ENAH: variants seen among roughly 807,000 people sequenced by gnomAD.
The protein encoded by ENAH is protein enabled homolog.
Under a neutral mutation model 78.7 loss-of-function variants are expected in ENAH, and 23 were observed. The observed-to-expected ratio is 0.29, with a 90% CI of 0.21 to 0.41. The LOEUF is 0.41. Among genes scored for constraint, ENAH ranks in the 10% least tolerant of loss-of-function variants. ENAH has a pLI of 1.00. For missense variants in ENAH, 544 were observed against 691.0 expected (o/e 0.79, Z 2.39); for synonymous variants, 226 against 241.0 (o/e 0.94, Z 0.58).
intron 1 of ENAH, among the ~76,000 whole-genome samples, chr1:225,629,461 C>A (rs1290284133): frequency 6.6e-6 from 1 of 151,650 alleles, no homozygotes; most frequent in African/African-American, 2.4e-5. Flanking sequence ...GTGGAGTGCA[C>A]CTGTAATCCC....
chr1:225,511,781 T>C (rs753837085), intron 10 of ENAH, 30 bp downstream of exon 10: 1 of 1,534,968 alleles, frequency 6.5e-7, no homozygotes, highest in South Asian at 1.2e-5. Context: ...AGAAAGTTTA[T>C]AAAGGTTAAA....
intron 3 of ENAH, among the ~76,000 whole-genome samples, chr1:225,543,258 A>G (rs2096598241): frequency 6.6e-6 from 1 of 152,220 alleles, no homozygotes; most frequent in South Asian, 2.1e-4. Context: ...CTTTAAATCA[A>G]TGGGAAACCA....
At chr1:225,646,463 CTCACCAAAACCCA>C (rs1402743354) in intron 1 of ENAH, among the ~76,000 whole-genome samples, 3 of 152,078 alleles carry the variant, frequency 2.0e-5, no homozygotes, top group Non-Finnish European at 4.4e-5. Context: ...GAAGAGAACC[CTCACCAAAACCCA>C]TCCATACTGG....
rs115180544 is a variant in ENAH, at chr1:225,574,947, T to C, written c.6-7533A>G. Among the ~76,000 whole-genome samples, 238 of 146,480 alleles carry C rather than the reference T, an allele frequency of 1.6e-3. 59 individuals are homozygous for C. The highest frequency in any genetic ancestry group is 5.4e-3 in the African/African-American group (202 of 37,422). ...ATATATATATAAAAAAAAAAAAAGA[T>C]TGTGCATTCAGATACGAATAATAAA... On this transcript the variant is annotated intron_variant, in intron 1 of 13. Coordinates refer to ENST00000366843, the MANE Select transcript of ENAH (RefSeq NM_018212.6).
chr1:225,513,471 T>G (rs1214187020), intron 7 of ENAH, among the ~76,000 whole-genome samples: 3 of 152,170 alleles, frequency 2.0e-5, no homozygotes, highest in African/African-American at 7.2e-5. Context: ...CAATAAATGA[T>G]CTTGCACTAG....
intron 6 of ENAH, among the ~76,000 whole-genome samples, chr1:225,515,550 T>A (rs1356313999): frequency 2.6e-5 from 4 of 152,138 alleles, no homozygotes; most frequent in Non-Finnish European, 5.9e-5. Context: ...GGATTTGAAG[T>A]AGAGTTGTTT....
At position 225,530,612 on chromosome 1, in the gene ENAH, G is replaced by T. The variant is rs1364011018; in HGVS notation, c.376C>A (p.Gln126Lys). ...CCATTTTGAACTTGAGCAGGTAGTT[G>T]TGAGTTTTGTCTAGGCAATGTTGGC... Reference protein sequence around the residue: ...TGPTLPRQNSQLPAQVQNGPS... With the variant: ...TGPTLPRQNSKLPAQVQNGPS... Residue 126 changes from glutamine (Q) to lysine (K), a missense_variant, in exon 4 of 14, where the codon CAA becomes AAA. This residue lies in a region of ENAH where 77 missense variants were observed against 151.8 expected (regional missense o/e 0.51). Coordinates refer to ENST00000366843, the MANE Select transcript of ENAH (RefSeq NM_018212.6). 3 of 1,613,444 alleles carry T rather than the reference G, an allele frequency of 1.9e-6. No homozygotes were observed. The highest frequency in any genetic ancestry group is 1.3e-5 in the African/African-American group (1 of 74,992).
At chr1:225,628,045 G>T (rs1485147714) in intron 1 of ENAH, among the ~76,000 whole-genome samples, 1 of 152,146 alleles carries the variant, frequency 6.6e-6, no homozygotes, top group Non-Finnish European at 1.5e-5. Flanking sequence ...CAGCTGAAGG[G>T]GCAGAAACTG....
chr1:225,645,879 T>C (rs772334321), intron 1 of ENAH, among the ~76,000 whole-genome samples: 28 of 152,182 alleles, frequency 1.8e-4, no homozygotes, highest in Admixed American at 9.8e-4. Flanking sequence ...CTGTCCTCTT[T>C]ACCCTACACC....
At chr1:225,580,982 A>AG (rs199695962) in intron 1 of ENAH, among the ~76,000 whole-genome samples, 1,661 of 129,480 alleles carry the variant, frequency 0.013, 40 homozygotes, top group African/African-American at 0.043. Context: ...GCACACATAT[A>AG]GGCACACAGG....
At chr1:225,620,660 A>G (rs1024412592) in intron 1 of ENAH, among the ~76,000 whole-genome samples, 2 of 152,124 alleles carry the variant, frequency 1.3e-5, no homozygotes, top group Non-Finnish European at 1.5e-5. Flanking sequence ...TATCAGATCT[A>G]TCTTATTTTC....
At chr1:225,499,358 G>A (rs1375884657) in intron 12 of ENAH, among the ~76,000 whole-genome samples, 1 of 152,044 alleles carries the variant, frequency 6.6e-6, no homozygotes, top group Non-Finnish European at 1.5e-5. Flanking sequence ...TAACTGTGGT[G>A]CTCTGGGCCC....
chr1:225,558,620 T>C (rs954504385), intron 2 of ENAH, among the ~76,000 whole-genome samples: 3 of 143,298 alleles, frequency 2.1e-5, no homozygotes, highest in Admixed American at 7.6e-5. Flanking sequence ...ACTGCATTAA[T>C]TTCTGCCTTT....
chr1:225,520,192 G>A (rs915218564), intron 4 of ENAH, among the ~76,000 whole-genome samples: 1 of 152,056 alleles, frequency 6.6e-6, no homozygotes, highest in Admixed American at 6.5e-5. Context: ...CTACTTGGGA[G>A]GCTGAGGCAG....
intron 1 of ENAH, among the ~76,000 whole-genome samples, chr1:225,597,815 C>T (rs900210360): frequency 6.6e-5 from 10 of 152,126 alleles, no homozygotes; most frequent in African/African-American, 2.4e-4. Flanking sequence ...ATAAGGCCTA[C>T]CGAAGGTCCA....
intron 1 of ENAH, among the ~76,000 whole-genome samples, chr1:225,601,714 T>A (rs554221862): frequency 5.1e-4 from 78 of 152,110 alleles, no homozygotes; most frequent in Non-Finnish European, 1.0e-3. Context: ...ATACAGATTA[T>A]GTTCTGATAT....
rs1299913980 is a variant in ENAH at position 225,496,763 on chromosome 1, G to A, written c.*1012C>T. 1.3e-5 allele frequency: 2 copies of A among 152,592 alleles called. No individual in the cohort carries two copies. The highest frequency in any genetic ancestry group is 4.8e-5 in the African/African-American group (2 of 41,440). The allele number at this position is 152,592 out of a possible 1,614,324, so 9.5% of individuals were successfully genotyped here. A position where few individuals can be genotyped will look rare whatever the true frequency, so the allele number is the denominator to read the frequency against. On this transcript the variant is annotated 3_prime_UTR_variant, in exon 14 of 14. Transcript: ENST00000366843. ...CATGCAGGTAACTGAGAAAAAGATAGTGCAGAAATCAACTTTAAATAAAAA... is the reference window on the plus strand; with the variant it reads ...CATGCAGGTAACTGAGAAAAAGATAATGCAGAAATCAACTTTAAATAAAAA...
At chr1:225,649,902 CATT>C (rs1558964890) in intron 1 of ENAH, among the ~76,000 whole-genome samples, 5 of 152,200 alleles carry the variant, frequency 3.3e-5, no homozygotes, top group African/African-American at 4.8e-5. Flanking sequence ...CCTGTTCAGG[CATT>C]CCTATTTCTG....
chr1:225,596,912 T>C (rs527282117), intron 1 of ENAH, among the ~76,000 whole-genome samples: 2 of 152,184 alleles, frequency 1.3e-5, no homozygotes, highest in African/African-American at 4.8e-5. Context: ...AATTAAAACA[T>C]CTGACCAGTG....
Sources: allele counts gnomAD v4.1 joint callset (sites outside exome capture counted in the v4.1 genomes callset), GRCh38; gene constraint gnomAD v4.1.1; regional missense constraint gnomAD v4.1.1; transcripts MANE v1.5; gene names NCBI Gene and HGNC (gene_info 2026-07-23, HGNC 2026-07-21).